PRKD1: variants seen among roughly 807,000 people sequenced by gnomAD.
PRKD1 encodes the protein protein kinase D1, also known as serine/threonine-protein kinase D1.
In PRKD1, 63 loss-of-function variants were observed where a neutral mutation model predicts 95.9. That is an observed-to-expected ratio of 0.66 (90% CI 0.54 to 0.81). PRKD1 has a LOEUF of 0.81. PRKD1 is among the 30% of genes least tolerant of loss of function. The pLI, the probability that PRKD1 is intolerant of heterozygous loss-of-function variation, is 0.00. For synonymous variants in PRKD1, 425 were observed against 423.1 expected (o/e 1.00, Z -0.05); for missense variants, 1,048 against 1,165.3 (o/e 0.90, Z 1.47).
chr14:29,680,137 A>T (rs1169487065), intron 2 of PRKD1, among the ~76,000 whole-genome samples: 4 of 152,222 alleles, frequency 2.6e-5, no homozygotes, highest in Admixed American at 1.3e-4. Context: ...ATGCAATAAC[A>T]TAGTCGGAAG....
intron 2 of PRKD1, among the ~76,000 whole-genome samples, chr14:29,720,568 T>C (rs1885839002): frequency 6.6e-6 from 1 of 151,690 alleles, no homozygotes; most frequent in Non-Finnish European, 1.5e-5. Context: ...GATCACAAGA[T>C]CAGGAGCTCA....
Position 29,734,028 on chromosome 14 carries a change from C to CTTTTTTTTTTTTTTTTTT in PRKD1, c.265-8372_265-8355dup, listed in dbSNP as rs58908662. On this transcript the variant is annotated intron_variant, in intron 1 of 17. Coordinates refer to ENST00000331968, the MANE Select transcript of PRKD1 (RefSeq NM_002742.3). ...CTGGTTTTGAGTCATACTTTCCTGC[C>CTTTTTTTTTTTTTTTTTT]TTTTTTTTTTTTTTTTTTTTTTTTT... Among the ~76,000 whole-genome samples, 11 of 64,670 alleles carry CTTTTTTTTTTTTTTTTTT rather than the reference C, an allele frequency of 1.7e-4. 1 individual carries two copies. Among genetic ancestry groups the CTTTTTTTTTTTTTTTTTT allele is most frequent in the African/African-American group, 3.9e-4 (5 of 12,728 alleles). The allele number at this position is 64,670 out of a possible 152,430, so 42.4% of individuals were successfully genotyped here.
At chr14:29,751,001 G>A (rs1887456956) in intron 1 of PRKD1, among the ~76,000 whole-genome samples, 1 of 152,038 alleles carries the variant, frequency 6.6e-6, no homozygotes, top group East Asian at 1.9e-4. Flanking sequence ...CTTTTTTGTG[G>A]AGAGAATTAC....
intron 13 of PRKD1, among the ~76,000 whole-genome samples, chr14:29,606,331 A>G (rs1388360391): frequency 6.6e-6 from 1 of 152,112 alleles, no homozygotes; most frequent in Non-Finnish European, 1.5e-5. Context: ...CTTTTTTGAT[A>G]AATACTAATA....
chr14:29,710,410 A>G (rs866455624), intron 2 of PRKD1, among the ~76,000 whole-genome samples: 34 of 152,276 alleles, frequency 2.2e-4, no homozygotes, highest in African/African-American at 7.5e-4. Context: ...CTTCACTTCT[A>G]TGGTATTCTT....
chr14:29,686,602 G>A (rs190361517), intron 2 of PRKD1, among the ~76,000 whole-genome samples: 3 of 152,282 alleles, frequency 2.0e-5, no homozygotes, highest in Non-Finnish European at 2.9e-5. Flanking sequence ...TCTAAAGAAC[G>A]CCAGTTCTTA....
intron 16 of PRKD1, among the ~76,000 whole-genome samples, chr14:29,595,068 C>T (rs1171698309): frequency 2.0e-5 from 3 of 151,910 alleles, no homozygotes; most frequent in African/African-American, 7.3e-5. Context: ...AAGAGTGAGC[C>T]ATAAGGAGGT....
chr14:29,847,340 G>C (rs1427350063), intron 1 of PRKD1, among the ~76,000 whole-genome samples: 1 of 152,114 alleles, frequency 6.6e-6, no homozygotes, highest in African/African-American at 2.4e-5. Context: ...GAGATTTTCT[G>C]CCTCTTATGC....
At chr14:29,901,355 G>C (rs890681235) in intron 1 of PRKD1, among the ~76,000 whole-genome samples, 12 of 152,162 alleles carry the variant, frequency 7.9e-5, no homozygotes, top group Admixed American at 7.2e-4. Context: ...GAAGGGAGTG[G>C]AAAAGAGGCT....
At chr14:29,854,577 A>G (rs1381903538) in intron 1 of PRKD1, among the ~76,000 whole-genome samples, 1 of 152,244 alleles carries the variant, frequency 6.6e-6, no homozygotes, top group African/African-American at 2.4e-5. Context: ...CTGCCGCCTG[A>G]CAATGTGATA....
intron 2 of PRKD1, among the ~76,000 whole-genome samples, chr14:29,725,315 C>A (rs952059097): frequency 2.6e-5 from 4 of 152,062 alleles, no homozygotes; most frequent in African/African-American, 9.7e-5. Flanking sequence ...TGGGAGGAAG[C>A]CTTAAGTCAA....
chr14:29,653,687 G>A (rs1330795173), intron 4 of PRKD1, among the ~76,000 whole-genome samples: 9 of 151,952 alleles, frequency 5.9e-5, no homozygotes, highest in African/African-American at 2.2e-4. Flanking sequence ...TATACAGTAA[G>A]AGAATGAATG....
intron 1 of PRKD1, among the ~76,000 whole-genome samples, chr14:29,902,550 G>A (rs1894353916): frequency 1.3e-5 from 2 of 152,144 alleles, no homozygotes; most frequent in Admixed American, 6.5e-5. Flanking sequence ...ACAGAGGCGG[G>A]AATAAACATT....
chr14:29,820,453 C>T (rs564690739), intron 1 of PRKD1, among the ~76,000 whole-genome samples: 1 of 152,242 alleles, frequency 6.6e-6, no homozygotes, highest in South Asian at 2.1e-4. Flanking sequence ...TTTAATTATT[C>T]AATAAATATT....
chr14:29,913,926 A>T (rs1303979848), intron 1 of PRKD1, among the ~76,000 whole-genome samples: 1 of 152,226 alleles, frequency 6.6e-6, no homozygotes, highest in Non-Finnish European at 1.5e-5. Flanking sequence ...GCAAGATACT[A>T]CCAGTAACTC....
intron 1 of PRKD1, among the ~76,000 whole-genome samples, chr14:29,848,142 G>A (rs1892157386): frequency 6.6e-6 from 1 of 152,134 alleles, no homozygotes. Flanking sequence ...AGCTCTTCTT[G>A]TGTTCATACA....
At chr14:29,847,861 G>C (rs1892143492) in intron 1 of PRKD1, among the ~76,000 whole-genome samples, 1 of 151,934 alleles carries the variant, frequency 6.6e-6, no homozygotes, top group Admixed American at 6.6e-5. Flanking sequence ...ATGCATGCGT[G>C]TTCTCTCTCT....
At chr14:29,827,189 G>C (rs1891232165) in intron 1 of PRKD1, among the ~76,000 whole-genome samples, 2 of 151,790 alleles carry the variant, frequency 1.3e-5, no homozygotes, top group Non-Finnish European at 2.9e-5. Flanking sequence ...ACTTACTCAT[G>C]TAACCAAATA....
At chr14:29,847,806 T>C (rs765982732) in intron 1 of PRKD1, among the ~76,000 whole-genome samples, 1 of 152,086 alleles carries the variant, frequency 6.6e-6, no homozygotes, top group Non-Finnish European at 1.5e-5. Context: ...AGCCAATCCA[T>C]AGATCTTGAA....
Sources: allele counts gnomAD v4.1 joint callset (sites outside exome capture counted in the v4.1 genomes callset), GRCh38; gene constraint gnomAD v4.1.1; transcripts MANE v1.5; gene names NCBI Gene and HGNC (gene_info 2026-07-23, HGNC 2026-07-21).